C7orf57: variants seen among roughly 807,000 people sequenced by gnomAD.
C7orf57 encodes the protein chromosome 7 open reading frame 57, also known as uncharacterized protein C7orf57.
A neutral mutation model predicts 39.0 loss-of-function variants in C7orf57; 33 were observed. The observed-to-expected ratio is 0.85, with a 90% CI of 0.64 to 1.13. C7orf57 has a LOEUF of 1.13. C7orf57 is among the 50% of genes most tolerant of loss of function. C7orf57 has a pLI of 0.00. For synonymous variants in C7orf57, 124 were observed against 137.1 expected, an observed-to-expected ratio of 0.90 and a Z score of 0.67; for missense variants, 346 against 362.3, an observed-to-expected ratio of 0.95 and a Z score of 0.37.
In C7orf57 at chr7:48,035,676, C is replaced by G; in HGVS notation, c.-102+46C>G. 1 of 630,892 alleles carries G rather than the reference C, an allele frequency of 1.6e-6. No individual in the cohort carries two copies. The highest frequency in any genetic ancestry group is 1.7e-5 in the South Asian group (1 of 57,372). The allele number at this position is 630,892 out of a possible 1,614,324, so 39.1% of individuals were successfully genotyped here. A position where few individuals can be genotyped will look rare whatever the true frequency, so the allele number is the denominator to read the frequency against. ...GGACAATGGGGGCGCCCACTGTGGTCCCGGGCCTTGTCCACTGTGCGGAGC... is the reference window on the plus strand; with the variant it reads ...GGACAATGGGGGCGCCCACTGTGGTGCCGGGCCTTGTCCACTGTGCGGAGC... On this transcript the variant is annotated intron_variant, in intron 1 of 8. Transcript: ENST00000348904. The surrounding 1 kb of genome is among the most constrained non-coding windows in gnomAD (Gnocchi z 4.0).
chr7:48,049,822 T>C, intron 5 of C7orf57, 58 bp from the exon 6 acceptor site: 1 of 1,354,134 alleles, frequency 7.4e-7, no homozygotes, highest in Non-Finnish European at 1.1e-6. Flanking sequence ...GTGAGTTTTC[T>C]TCTCTAGCTG....
chr7:48,052,967 A>AT, intron 7 of C7orf57, 44 bp downstream of exon 7: 1 of 1,456,196 alleles, frequency 6.9e-7, no homozygotes, highest in Non-Finnish European at 9.6e-7. Flanking sequence ...GGCTTGGTTA[A>AT]TTGTGATGCA....
intron 2 of C7orf57, among the ~76,000 whole-genome samples, chr7:48,037,160 C>T (rs1790397155): frequency 7.9e-6 from 1 of 127,366 alleles, no homozygotes; most frequent in Admixed American, 7.6e-5. Context: ...TGTGGCCATG[C>T]TGGGGATTGG....
At chr7:48,046,050 G>A (rs979475861) in intron 4 of C7orf57, among the ~76,000 whole-genome samples, 2 of 152,000 alleles carry the variant, frequency 1.3e-5, no homozygotes, top group Non-Finnish European at 2.9e-5. Context: ...AGTATATCTC[G>A]TTTTACTAAC....
chr7:48,041,257 A>T, intron 2 of C7orf57, 77 bp from the exon 3 acceptor site: 1 of 1,335,462 alleles, frequency 7.5e-7, no homozygotes, highest in Non-Finnish European at 1.0e-6. Flanking sequence ...TTGTCTGCAT[A>T]GAGATACTCT....
intron 6 of C7orf57, 56 bp from the exon 7 acceptor site, chr7:48,052,644 C>A: frequency 1.4e-6 from 2 of 1,467,568 alleles, no homozygotes; most frequent in Middle Eastern, 3.5e-4. Context: ...AATACTGCTT[C>A]TGCTTTATCA....
At position 48,045,936 on chromosome 7, in the gene C7orf57, G is replaced by C. The variant is rs1462054577; in HGVS notation, c.351-524G>C. 4.6e-5 allele frequency among the ~76,000 whole-genome samples: 7 copies of C among 152,260 alleles called. No individual in the cohort carries two copies. The East Asian group carries it at 1.3e-3, about 29-fold the overall frequency. Reference sequence around the variant, plus strand: ...TTATTTTAAATGAACATGTTAAATGGTAAATGTTTAGGGGTGTTTAGCTAT... The same window carrying C: ...TTATTTTAAATGAACATGTTAAATGCTAAATGTTTAGGGGTGTTTAGCTAT... On this transcript the variant is annotated intron_variant, in intron 4 of 8. Coordinates refer to ENST00000348904, the MANE Select transcript of C7orf57 (RefSeq NM_001100159.3).
At chr7:48,051,790 CT>C (rs1191108158) in intron 6 of C7orf57, among the ~76,000 whole-genome samples, 24 of 66,908 alleles carry the variant, frequency 3.6e-4, no homozygotes, top group Non-Finnish European at 5.5e-4. Flanking sequence ...TTCTTTCTTT[CT>C]TTCTTTCCTT....
At chr7:48,054,955 C>A (rs1278840186) in intron 8 of C7orf57, among the ~76,000 whole-genome samples, 1 of 152,172 alleles carries the variant, frequency 6.6e-6, no homozygotes, top group African/African-American at 2.4e-5. Context: ...CCGCTCACTG[C>A]AAGCTCCGCC....
intron 8 of C7orf57, among the ~76,000 whole-genome samples, chr7:48,055,366 T>A (rs1016929838): frequency 3.3e-5 from 5 of 152,174 alleles, no homozygotes; most frequent in Non-Finnish European, 7.3e-5. Context: ...AACTATGGGG[T>A]GCAATGCGAT....
Position 48,060,912 on chromosome 7 carries a change from TTAG to T in C7orf57, c.*644_*646del, listed in dbSNP as rs973757578. On this transcript the variant is annotated 3_prime_UTR_variant, in exon 9 of 9. Transcript: ENST00000348904. ...AAAATATGCTGTTTTAATATTTAAT[TTAG>T]TAGAATTAACAAAAACTTTTTAATA... 6 of 152,176 alleles carry T rather than the reference TTAG, an allele frequency of 3.9e-5. No individual in the cohort carries two copies. The highest frequency in any genetic ancestry group is 1.2e-4 in the African/African-American group (5 of 41,460). The allele number at this position is 152,176 out of a possible 1,614,324, so 9.4% of individuals were successfully genotyped here.
chr7:48,040,798 TTA>T (rs764064708), intron 2 of C7orf57, among the ~76,000 whole-genome samples: 1 of 152,190 alleles, frequency 6.6e-6, no homozygotes, highest in Non-Finnish European at 1.5e-5. Flanking sequence ...CACTCTTGTG[TTA>T]TTGGTAAATG....
intron 2 of C7orf57, among the ~76,000 whole-genome samples, chr7:48,037,134 C>T (rs1790395602): frequency 6.6e-6 from 1 of 151,366 alleles, no homozygotes; most frequent in Admixed American, 6.6e-5. Flanking sequence ...TACCTTGTGA[C>T]CACTATTGAA....
intron 7 of C7orf57, among the ~76,000 whole-genome samples, chr7:48,053,604 A>G (rs1057038602): frequency 3.9e-5 from 6 of 152,046 alleles, no homozygotes; most frequent in African/African-American, 1.2e-4. Flanking sequence ...GACATGCACC[A>G]TTACACCCAG....
rs755252446 is a variant in C7orf57, at chr7:48,052,837, C to A, written c.743C>A (p.Ser248Tyr). Residue 248 changes from serine (S) to tyrosine (Y), a missense_variant, in exon 7 of 9, where the codon TCT (serine) becomes TAT (tyrosine). Ser to Tyr is a moderately radical substitution (Grantham distance 144). Transcript: ENST00000348904. ...TPKTSRASVL[S>Y]QSPRDLEGPQ... ...AAGACCTCCAGGGCATCAGTGTTAT[C>A]TCAGTCCCCACGAGACCTGGAAGGT... The A allele has an allele frequency of 5.0e-6, 8 of 1,614,038 alleles. 1 individual carries two copies. The South Asian group carries it at 7.7e-5, about 16-fold the overall frequency.
chr7:48,060,353 T>C lies in C7orf57; in HGVS notation c.*81T>C, dbSNP rs2128800960. The C allele has an allele frequency of 2.4e-6, 2 of 847,876 alleles. No individual in the cohort carries two copies. Among genetic ancestry groups the C allele is most frequent in the Admixed American group, 2.9e-5 (1 of 34,992 alleles). 52.5% of individuals were successfully genotyped at this position (847,876 alleles called of 1,614,324 possible). On this transcript the variant is annotated 3_prime_UTR_variant, in exon 9 of 9. Transcript: ENST00000348904. Reference sequence around the variant, plus strand: ...TGTATTATAGCTATATTTCTGAGGCTTTTTTTGTATTTTATTAATATAGAC... The same window carrying C: ...TGTATTATAGCTATATTTCTGAGGCCTTTTTTGTATTTTATTAATATAGAC...
intron 4 of C7orf57, among the ~76,000 whole-genome samples, chr7:48,046,128 G>A (rs931892765): frequency 1.3e-5 from 2 of 152,018 alleles, no homozygotes; most frequent in African/African-American, 4.8e-5. Flanking sequence ...GGGTTGGTGT[G>A]TTGTTTAGCA....
chr7:48,040,792 CTT>C (rs1262459331), intron 2 of C7orf57, among the ~76,000 whole-genome samples: 2 of 152,136 alleles, frequency 1.3e-5, no homozygotes, highest in Non-Finnish European at 2.9e-5. Flanking sequence ...TCTTCTCACT[CTT>C]GTGTTATTGG....
In C7orf57 at chr7:48,060,295, G is replaced by A. The variant is rs1406439260; in HGVS notation, c.*23G>A. 7 of 1,473,298 alleles carry A rather than the reference G, an allele frequency of 4.8e-6. No individual in the cohort carries two copies. Among genetic ancestry groups the A allele is most frequent in the Non-Finnish European group, 6.4e-6 (7 of 1,088,798 alleles). The allele number at this position is 1,473,298 out of a possible 1,614,324, so 91.3% of individuals were successfully genotyped here. A position where few individuals can be genotyped will look rare whatever the true frequency, so the allele number is the denominator to read the frequency against. The stretch of plus-strand genomic sequence containing the variant: ...TAAATCCTGATGCAATATGTATTTA[G>A]GATAATTTTTAAATGGCTAAATATG... On this transcript the variant is annotated 3_prime_UTR_variant, in exon 9 of 9. Coordinates refer to ENST00000348904, the MANE Select transcript of C7orf57 (RefSeq NM_001100159.3).
Sources: gnomAD v4.1 joint callset for allele counts (sites outside exome capture counted in the v4.1 genomes callset) on GRCh38, gnomAD v4.1.1 for gene constraint, Gnocchi (gnomAD v3.1) non-coding constraint, MANE v1.5 for transcripts, NCBI Gene and HGNC (gene_info 2026-07-23, HGNC 2026-07-21) for gene names.